The following SCLT1 variants were observed in gnomAD, a reference collection of about 807,000 sequenced individuals.
The protein encoded by SCLT1 is sodium channel and clathrin linker 1.
A neutral mutation model predicts 112.8 loss-of-function variants in SCLT1; 78 were observed. That is an observed-to-expected ratio of 0.69 (90% CI 0.58 to 0.83). The LOEUF (loss-of-function observed/expected upper bound fraction) is 0.83. Ranked by LOEUF, SCLT1 falls within the 40% of genes least tolerant of loss-of-function variation. The probability of loss-of-function intolerance (pLI) is 0.00; values close to 1 mark genes in which losing one functional copy is unlikely to be tolerated. For synonymous variants in SCLT1, 257 were observed against 254.7 expected, an observed-to-expected ratio of 1.01 and a Z score of -0.09; for missense variants, 747 against 770.4, an observed-to-expected ratio of 0.97 and a Z score of 0.36.
intron 8 of SCLT1, among the ~76,000 whole-genome samples, chr4:128,992,499 C>A (rs536709186): frequency 4.7e-4 from 72 of 152,002 alleles, no homozygotes; most frequent in Middle Eastern, 3.4e-3. Flanking sequence ...GCTCATCTAT[C>A]CACCTGGGCA....
chr4:129,078,347 T>C (rs1355886811), intron 2 of SCLT1, among the ~76,000 whole-genome samples: 3 of 152,178 alleles, frequency 2.0e-5, no homozygotes, highest in African/African-American at 7.2e-5. Flanking sequence ...TCCACAGATA[T>C]GATGCATTAC....
At chr4:129,025,707 T>C (rs1289846815) in intron 5 of SCLT1, among the ~76,000 whole-genome samples, 15 of 152,056 alleles carry the variant, frequency 9.9e-5, no homozygotes, top group Non-Finnish European at 1.0e-4. Flanking sequence ...CAATATTAAC[T>C]TTAAATGCAA....
intron 5 of SCLT1, among the ~76,000 whole-genome samples, chr4:129,008,517 T>C (rs1436461435): frequency 6.6e-6 from 1 of 152,184 alleles, no homozygotes; most frequent in Non-Finnish European, 1.5e-5. Context: ...ACAGATCTTT[T>C]GCTACTTTTG....
At chr4:128,888,302 G>A (rs1179237864) in intron 20 of SCLT1, among the ~76,000 whole-genome samples, 1 of 151,472 alleles carries the variant, frequency 6.6e-6, no homozygotes, top group African/African-American at 2.4e-5. Flanking sequence ...CTGCAGCTTC[G>A]ACTTCTTGGG....
At chr4:129,004,467 T>C (rs1448996927) in intron 5 of SCLT1, among the ~76,000 whole-genome samples, 1 of 151,844 alleles carries the variant, frequency 6.6e-6, no homozygotes, top group Non-Finnish European at 1.5e-5. Context: ...AATCTTAACA[T>C]TAAGGTAAAT....
chr4:129,045,716 G>A lies in SCLT1; in HGVS notation c.103-1665C>T, dbSNP rs1748119225. ...CTGTAATGTTCTGGCTTTTTGAAGG[G>A]AGAAAGTATTTATGATCACATACAT... On this transcript the variant is annotated intron_variant, in intron 2 of 20. Transcript: ENST00000281142. Among the ~76,000 whole-genome samples, 3 of 152,102 alleles carry A rather than the reference G, an allele frequency of 2.0e-5. No homozygotes were observed. The South Asian group carries it at 6.2e-4, about 32-fold the overall frequency.
At chr4:129,082,450 T>G (rs1752027510) in intron 1 of SCLT1, 77 bp from the exon 2 acceptor site, 2 of 843,380 alleles carry the variant, frequency 2.4e-6, no homozygotes, top group Non-Finnish European at 3.7e-6. Flanking sequence ...CAGTAATTAT[T>G]TGATGTATCC....
At position 128,936,677 on chromosome 4, in the gene SCLT1, C is replaced by T; in HGVS notation, c.1807G>A (p.Glu603Lys). The change falls in exon 18 of 21, where the codon GAA (glutamate) becomes AAA (lysine). Residue 603 changes from glutamate (E) to lysine (K), a missense_variant. Physicochemically the swap from Glu to Lys is moderately conservative, Grantham distance 56 (BLOSUM62 1). Around this residue, in one of 2 missense-constraint regions of SCLT1, gnomAD observed 723 missense variants for 721.3 expected, o/e 1.00. Coordinates refer to ENST00000281142, the MANE Select transcript of SCLT1 (RefSeq NM_144643.4). ...EETKKLTESA[E>K]IRINNLKSEL... Reference sequence around the variant, plus strand: ...TACTTTAGATTATTGATTCTAATTTCTGCACTTTCAGTAAGTTTCTTCGTT... The same window carrying T: ...TACTTTAGATTATTGATTCTAATTTTTGCACTTTCAGTAAGTTTCTTCGTT... 1 of 1,598,846 alleles carries T rather than the reference C, an allele frequency of 6.3e-7. No individual in the cohort carries two copies. The highest frequency in any genetic ancestry group is 8.5e-7 in the Non-Finnish European group (1 of 1,174,892).
At chr4:129,014,276 C>T (rs1046955651) in intron 5 of SCLT1, among the ~76,000 whole-genome samples, 7 of 152,032 alleles carry the variant, frequency 4.6e-5, no homozygotes, top group African/African-American at 1.2e-4. Flanking sequence ...CAATGATCTT[C>T]GTTTCATGCA....
intron 9 of SCLT1, among the ~76,000 whole-genome samples, chr4:128,981,052 G>T (rs1741603364): frequency 6.6e-6 from 1 of 152,096 alleles, no homozygotes; most frequent in South Asian, 2.1e-4. Context: ...CATATGTCTA[G>T]TACTGTGCTA....
chr4:129,085,286 G>C (rs923083836), intron 1 of SCLT1, among the ~76,000 whole-genome samples: 1 of 152,210 alleles, frequency 6.6e-6, no homozygotes, highest in African/African-American at 2.4e-5. Flanking sequence ...CTGATCATTA[G>C]AGAAATGTAA....
intron 2 of SCLT1, among the ~76,000 whole-genome samples, chr4:129,058,959 C>T (rs1279773905): frequency 1.3e-5 from 2 of 152,060 alleles, no homozygotes; most frequent in East Asian, 1.9e-4. Context: ...AAGATTATAT[C>T]CTCCTTTCTG....
chr4:129,071,559 T>C (rs1200689357), intron 2 of SCLT1, among the ~76,000 whole-genome samples: 1 of 152,138 alleles, frequency 6.6e-6, no homozygotes, highest in Non-Finnish European at 1.5e-5. Context: ...TTAACTGCTG[T>C]TGCTTTAAAG....
At chr4:129,072,634 C>G (rs570767279) in intron 2 of SCLT1, among the ~76,000 whole-genome samples, 1 of 148,938 alleles carries the variant, frequency 6.7e-6, no homozygotes, top group Non-Finnish European at 1.5e-5. Flanking sequence ...AAAGTGTGTC[C>G]AAAGTCTCCC....
chr4:129,039,332 G>A (rs937310212), intron 4 of SCLT1: 4 of 376,070 alleles, frequency 1.1e-5, no homozygotes, highest in Non-Finnish European at 1.4e-5. Flanking sequence ...GTAACATGGT[G>A]AGAAATGTTT....
intron 18 of SCLT1, among the ~76,000 whole-genome samples, chr4:128,893,122 A>G (rs933489891): frequency 6.6e-6 from 1 of 152,244 alleles, no homozygotes; most frequent in Non-Finnish European, 1.5e-5. Flanking sequence ...ACACATTTAT[A>G]AAGTTAGCCA....
At chr4:128,926,340 A>G (rs1267271135) in intron 18 of SCLT1, among the ~76,000 whole-genome samples, 1 of 152,106 alleles carries the variant, frequency 6.6e-6, no homozygotes, top group Middle Eastern at 3.2e-3. Context: ...ACTCTGGCCG[A>G]CTGGAACTCT....
At chr4:129,064,991 G>A (rs1216494214) in intron 2 of SCLT1, among the ~76,000 whole-genome samples, 1 of 152,034 alleles carries the variant, frequency 6.6e-6, no homozygotes, top group Non-Finnish European at 1.5e-5. Context: ...TCATTTAGGG[G>A]AATTTTGTCA....
At chr4:129,091,927 T>TA (rs1249230871) in intron 1 of SCLT1, among the ~76,000 whole-genome samples, 9 of 152,266 alleles carry the variant, frequency 5.9e-5, no homozygotes, top group Admixed American at 2.6e-4. Context: ...AAACGGAACT[T>TA]ACTACCTTTT....
Sources: gnomAD v4.1 joint callset for allele counts (sites outside exome capture counted in the v4.1 genomes callset) on GRCh38, gnomAD v4.1.1 for gene constraint, gnomAD v4.1.1 regional missense constraint, MANE v1.5 for transcripts, NCBI Gene and HGNC (gene_info 2026-07-23, HGNC 2026-07-21) for gene names.